Variants in DDAH1 observed in about 807,000 individuals in gnomAD.
DDAH1 encodes dimethylarginine dimethylaminohydrolase 1, also known as N(G),N(G)-dimethylarginine dimethylaminohydrolase 1.
In DDAH1, 19 loss-of-function variants were observed where a neutral mutation model predicts 28.8. The observed-to-expected ratio is 0.66, with a 90% confidence interval of 0.46 to 0.97. The LOEUF is 0.97. Among genes scored for constraint, DDAH1 ranks in the 50% least tolerant of loss-of-function variants. The pLI, the probability that DDAH1 is intolerant of heterozygous loss-of-function variation, is 0.00. For missense variants in DDAH1, 326 were observed against 375.9 expected (o/e 0.87, Z 1.10); for synonymous variants, 153 against 154.4 (o/e 0.99, Z 0.07).
chr1:85,542,201 A>T (rs1398984092), intron 1 of DDAH1, among the ~76,000 whole-genome samples: 1 of 152,198 alleles, frequency 6.6e-6, no homozygotes, highest in Non-Finnish European at 1.5e-5. Flanking sequence ...TCTATAATAC[A>T]ACATGGGAAT....
intron 2 of DDAH1, among the ~76,000 whole-genome samples, chr1:85,476,157 C>A (rs1159342080): frequency 6.6e-6 from 1 of 152,216 alleles, no homozygotes; most frequent in East Asian, 1.9e-4. Context: ...CCACCATGTC[C>A]AGCCTCAAGA....
At chr1:85,511,981 C>A (rs1657252753) in intron 1 of DDAH1, among the ~76,000 whole-genome samples, 1 of 152,182 alleles carries the variant, frequency 6.6e-6, no homozygotes, top group Non-Finnish European at 1.5e-5. Flanking sequence ...AAGAGGGAAT[C>A]CTCCCTAACT....
intron 1 of DDAH1, among the ~76,000 whole-genome samples, chr1:85,382,595 A>G (rs1169049554): frequency 1.3e-5 from 2 of 152,212 alleles, no homozygotes; most frequent in African/African-American, 4.8e-5. Context: ...ATACTAAACA[A>G]AAGTTTTCAA....
intron 2 of DDAH1, among the ~76,000 whole-genome samples, chr1:85,483,834 A>G (rs1352841897): frequency 1.3e-5 from 2 of 152,046 alleles, no homozygotes; most frequent in African/African-American, 4.8e-5. Flanking sequence ...TCAGCCCAAC[A>G]CTCGCTCTGA....
At chr1:85,358,530 T>A (rs1174338708) in intron 2 of DDAH1, among the ~76,000 whole-genome samples, 1 of 152,094 alleles carries the variant, frequency 6.6e-6, no homozygotes, top group Non-Finnish European at 1.5e-5. Flanking sequence ...ACACCTGTAA[T>A]CCCAACTACT....
rs1655307848 is a variant in DDAH1, at chr1:85,465,034, G to A, written c.12C>T (p.Leu4=). The A allele has an allele frequency of 2.3e-6, 3 of 1,317,862 alleles. No homozygotes were observed. The highest frequency in any genetic ancestry group is 2.9e-6 in the Non-Finnish European group (3 of 1,036,962). 81.6% of individuals were successfully genotyped at this position (1,317,862 alleles called of 1,614,324 possible). Residue 4 remains leucine, a synonymous_variant, in exon 1 of 6, where the codon CTC becomes CTT. Coordinates refer to ENST00000284031, the MANE Select transcript of DDAH1 (RefSeq NM_012137.4). The part of the protein sequence containing the change: MAG[L]GHPAAFGRAT... ...CCCGGCCGAAGGCGGCGGGGTGGCC[G>A]AGCCCGGCCATGGCTTCGGGAGGCT... is the stretch of plus-strand genomic sequence containing the variant.
At chr1:85,420,560 G>A (rs1030451554) in intron 1 of DDAH1, among the ~76,000 whole-genome samples, 7 of 152,092 alleles carry the variant, frequency 4.6e-5, no homozygotes, top group African/African-American at 1.7e-4. Flanking sequence ...TGCAGCCAAG[G>A]TCTTTGCTAA....
At chr1:85,548,195 T>G (rs1658682361) in intron 1 of DDAH1, among the ~76,000 whole-genome samples, 1 of 152,236 alleles carries the variant, frequency 6.6e-6, no homozygotes, top group African/African-American at 2.4e-5. Context: ...GTTCATTATG[T>G]ATATTTTAAT....
At chr1:85,338,882 A>C (rs891086059) in intron 4 of DDAH1, among the ~76,000 whole-genome samples, 52 of 151,480 alleles carry the variant, frequency 3.4e-4, no homozygotes, top group African/African-American at 1.2e-3. Flanking sequence ...CTACTAAAAA[A>C]AAAAAAATAC....
chr1:85,450,629 C>T (rs1339641403), intron 1 of DDAH1, among the ~76,000 whole-genome samples: 1 of 152,140 alleles, frequency 6.6e-6, no homozygotes, highest in African/African-American at 2.4e-5. Flanking sequence ...AGCATCACAG[C>T]ATTCAAAAAA....
chr1:85,556,412 A>T (rs1189560052), intron 1 of DDAH1, among the ~76,000 whole-genome samples: 1 of 152,156 alleles, frequency 6.6e-6, no homozygotes, highest in Non-Finnish European at 1.5e-5. Context: ...TACCCAAAGC[A>T]CATGTTCCTA....
At position 85,481,020 on chromosome 1, in the gene DDAH1, A is replaced by C. The variant is rs544458309; in HGVS notation, c.-7+15146T>G. 7.9e-5 allele frequency among the ~76,000 whole-genome samples: 12 copies of C among 151,668 alleles called. No homozygotes were observed. In the South Asian group the frequency reaches 1.2e-3, roughly 16 times the overall value. ...TATAGGTGATTTTTATTTTCTTTAAAATTTTATGTGTTTTCCAATTTTTCT... is the reference window on the plus strand; with the variant it reads ...TATAGGTGATTTTTATTTTCTTTAACATTTTATGTGTTTTCCAATTTTTCT... On this transcript the variant is annotated intron_variant, in intron 2 of 6. Transcript: ENST00000426972.
At chr1:85,475,090 G>A (rs947470668) in intron 2 of DDAH1, among the ~76,000 whole-genome samples, 2 of 152,172 alleles carry the variant, frequency 1.3e-5, no homozygotes, top group Non-Finnish European at 2.9e-5. Context: ...TGCTGAGGGA[G>A]CCCTTTGTTC....
intron 1 of DDAH1, among the ~76,000 whole-genome samples, chr1:85,528,153 A>G (rs545488397): frequency 2.1e-4 from 32 of 151,750 alleles, no homozygotes; most frequent in Admixed American, 1.6e-3. Context: ...ATATGTTTAT[A>G]TGTTATTTGT....
chr1:85,519,858 G>A (rs543372896), intron 1 of DDAH1, among the ~76,000 whole-genome samples: 3 of 152,210 alleles, frequency 2.0e-5, no homozygotes, highest in Admixed American at 1.3e-4. Flanking sequence ...GGAAATAAAT[G>A]CATCAATTTC....
At chr1:85,554,277 T>G (rs970207451) in intron 1 of DDAH1, among the ~76,000 whole-genome samples, 2 of 19,418 alleles carry the variant, frequency 1.0e-4, no homozygotes, top group Non-Finnish European at 1.8e-4. Flanking sequence ...ATTGTAAGAG[T>G]TTTTTTTTTT....
chr1:85,546,144 A>G (rs921198475), intron 1 of DDAH1, among the ~76,000 whole-genome samples: 1 of 151,986 alleles, frequency 6.6e-6, no homozygotes, highest in Non-Finnish European at 1.5e-5. Context: ...AAAAAAAAAA[A>G]CATGCGTTGG....
intron 1 of DDAH1, among the ~76,000 whole-genome samples, chr1:85,570,966 G>T (rs997778526): frequency 6.6e-6 from 1 of 152,212 alleles, no homozygotes; most frequent in Non-Finnish European, 1.5e-5. Flanking sequence ...GTAGAAAGAG[G>T]ACGGAACTTG....
intron 4 of DDAH1, among the ~76,000 whole-genome samples, chr1:85,340,452 C>G (rs754833962): frequency 6.6e-6 from 1 of 152,154 alleles, no homozygotes; most frequent in Non-Finnish European, 1.5e-5. Flanking sequence ...TCATTGTCCC[C>G]AGGGGCACAG....
Sources: allele counts gnomAD v4.1 joint callset (sites outside exome capture counted in the v4.1 genomes callset), GRCh38; gene constraint gnomAD v4.1.1; transcripts MANE v1.5; gene names NCBI Gene and HGNC (gene_info 2026-07-23, HGNC 2026-07-21).